DTNA: variants seen among roughly 807,000 people sequenced by gnomAD.
The protein encoded by DTNA is dystrobrevin alpha.
In DTNA, 43 loss-of-function variants were observed where a neutral mutation model predicts 100.7. That is an observed-to-expected ratio of 0.43 (90% CI 0.33 to 0.55). DTNA has a LOEUF of 0.55. DTNA is among the 20% of genes least tolerant of loss of function. The pLI is 0.04. For missense variants in DTNA, 798 were observed against 953.9 expected, an observed-to-expected ratio of 0.84 and a Z score of 2.15; for synonymous variants, 349 against 347.9, an observed-to-expected ratio of 1.00 and a Z score of -0.04.
intron 9 of DTNA, 90 bp downstream of exon 9, chr18:34,821,005 A>G (rs2095702300): frequency 6.3e-7 from 1 of 1,577,244 alleles, no homozygotes; most frequent in Non-Finnish European, 8.7e-7. Context: ...ATCAGTGGTC[A>G]GCAACCAAGA....
At chr18:34,778,294 T>C (rs2094153751) in intron 3 of DTNA, among the ~76,000 whole-genome samples, 2 of 152,188 alleles carry the variant, frequency 1.3e-5, no homozygotes, top group South Asian at 2.1e-4. Flanking sequence ...AAACAGCTAA[T>C]GTATTTAGGC....
chr18:34,785,613 A>T (rs2148884758), intron 3 of DTNA, among the ~76,000 whole-genome samples: 1 of 152,292 alleles, frequency 6.6e-6, no homozygotes, highest in Admixed American at 6.5e-5. Context: ...CCAGTGTCTC[A>T]GTTCATGTTT....
intron 1 of DTNA, among the ~76,000 whole-genome samples, chr18:34,677,522 A>G (rs1448287619): frequency 6.6e-6 from 1 of 152,170 alleles, no homozygotes; most frequent in Non-Finnish European, 1.5e-5. Context: ...ACTTTATTAT[A>G]TACATAGATA....
chr18:34,814,521 A>G (rs558747873), intron 6 of DTNA, among the ~76,000 whole-genome samples: 2 of 112,746 alleles, frequency 1.8e-5, no homozygotes, highest in African/African-American at 6.8e-5. Flanking sequence ...CTCATCTCTG[A>G]AAAAAAAAAA....
chr18:34,828,097 T>A (rs928420678), intron 10 of DTNA, among the ~76,000 whole-genome samples: 2 of 152,184 alleles, frequency 1.3e-5, no homozygotes, highest in Non-Finnish European at 2.9e-5. Context: ...GAATCCTTTG[T>A]TGGTGAACCC....
At chr18:34,627,487 G>A (rs1244175396) in intron 1 of DTNA, among the ~76,000 whole-genome samples, 2 of 152,094 alleles carry the variant, frequency 1.3e-5, no homozygotes, top group African/African-American at 4.8e-5. Flanking sequence ...CATCCTCCCA[G>A]CCAATGCCCA....
chr18:34,744,045 GCCA>G (rs1365006807), intron 1 of DTNA, among the ~76,000 whole-genome samples: 1 of 152,054 alleles, frequency 6.6e-6, no homozygotes, highest in Admixed American at 6.6e-5. Flanking sequence ...AATCAAAATT[GCCA>G]CCTCTTCACT....
intron 1 of DTNA, among the ~76,000 whole-genome samples, chr18:34,620,148 G>T (rs73412418): frequency 0.017 from 2,660 of 152,290 alleles, 81 homozygotes; most frequent in African/African-American, 0.061. Context: ...AACAGGTTCA[G>T]TGTAGTGGTG....
intron 1 of DTNA, among the ~76,000 whole-genome samples, chr18:34,518,193 A>G (rs2041834139): frequency 6.6e-6 from 1 of 152,150 alleles, no homozygotes; most frequent in Admixed American, 6.6e-5. Context: ...GATGTTGAAC[A>G]TCTTTTCATG....
chr18:34,709,753 A>C (rs1322443813), upstream of DTNA, among the ~76,000 whole-genome samples: 1 of 152,234 alleles, frequency 6.6e-6, no homozygotes, highest in Non-Finnish European at 1.5e-5. Flanking sequence ...TTTGATGAAA[A>C]GAAAATGAAG....
At chr18:34,540,522 G>A (rs1191834044) in intron 1 of DTNA, among the ~76,000 whole-genome samples, 1 of 151,904 alleles carries the variant, frequency 6.6e-6, no homozygotes, top group African/African-American at 2.4e-5. Flanking sequence ...TCATACAGTG[G>A]ATGGACAGTG....
rs1019624616 is a variant in DTNA, at chr18:34,879,616, G to C, written c.2059G>C (p.Val687Leu). ...TGCACGGACTCAGTTTGAGGATCTT[G>C]TTCCCTCACCAACCTCTGAAAAGGC... ...EFARTQFEDL[V>L]PSPTSEKAFL... Residue 687 changes from valine to leucine, a missense_variant, in exon 20 of 23, where the codon GTT (valine) becomes CTT (leucine). Physicochemically the swap from Val to Leu is conservative, Grantham distance 32. Around this residue, in one of 6 missense-constraint regions of DTNA, gnomAD observed 242 missense variants for 238.2 expected, o/e 1.02. Transcript: ENST00000444659. 1.9e-6 allele frequency: 3 copies of C among 1,613,948 alleles called. No homozygotes were observed. The African/African-American group carries it at 4.0e-5, about 22-fold the overall frequency.
At chr18:34,811,855 A>G (rs577732063) in intron 5 of DTNA, 104 bp from the exon 6 acceptor site, 5 of 1,305,968 alleles carry the variant, frequency 3.8e-6, no homozygotes, top group South Asian at 2.6e-5. Context: ...TTCATAAAAA[A>G]TGTTTATTTT....
At chr18:34,800,737 C>G (rs1451783760) in intron 4 of DTNA, among the ~76,000 whole-genome samples, 22 of 152,172 alleles carry the variant, frequency 1.4e-4, no homozygotes, top group Admixed American at 1.4e-3. Context: ...CTTAAAAGAA[C>G]TTCAAGTTTC....
At chr18:34,856,638 T>C (rs1057290326) in intron 15 of DTNA, among the ~76,000 whole-genome samples, 3 of 152,196 alleles carry the variant, frequency 2.0e-5, no homozygotes, top group Admixed American at 6.5e-5. Context: ...TACCACCTAC[T>C]TGTTATCGAA....
At chr18:34,725,799 G>A (rs1488572057) in intron 1 of DTNA, among the ~76,000 whole-genome samples, 1 of 152,124 alleles carries the variant, frequency 6.6e-6, no homozygotes, top group East Asian at 1.9e-4. Flanking sequence ...ACATGCACAC[G>A]TGTGTTTATT....
chr18:34,760,023 A>T lies in DTNA; in HGVS notation c.67+3980A>T, dbSNP rs1328258703. The T allele has an allele frequency of 2.6e-5, 4 of 152,228 alleles. No homozygotes were observed. The East Asian group carries it at 7.7e-4, about 29-fold the overall frequency. The allele number at this position is 152,228 out of a possible 1,614,324, so 9.4% of individuals were successfully genotyped here. A position where few individuals can be genotyped will look rare whatever the true frequency, so the allele number is the denominator to read the frequency against. On this transcript the variant is annotated intron_variant, in intron 2 of 22. Transcript: ENST00000444659. ...TATTTGAAGGCAGGCCATCCTTGAG[A>T]GTGTTGGCTGAAGTCGGCACATGCA...
chr18:34,519,067 A>G (rs1220977160), intron 1 of DTNA, among the ~76,000 whole-genome samples: 1 of 152,122 alleles, frequency 6.6e-6, no homozygotes, highest in Non-Finnish European at 1.5e-5. Flanking sequence ...AGGAAGAGTC[A>G]AAGGTAAACA....
intron 1 of DTNA, among the ~76,000 whole-genome samples, chr18:34,608,220 A>T (rs1179689046): frequency 6.6e-6 from 1 of 152,218 alleles, no homozygotes; most frequent in Non-Finnish European, 1.5e-5. Flanking sequence ...TATGTGCCCA[A>T]GCCTACATAA....
Sources: gnomAD v4.1 joint callset for allele counts (sites outside exome capture counted in the v4.1 genomes callset) on GRCh38, gnomAD v4.1.1 for gene constraint, gnomAD v4.1.1 regional missense constraint, MANE v1.5 for transcripts, NCBI Gene and HGNC (gene_info 2026-07-23, HGNC 2026-07-21) for gene names.